IQSEC1: variants seen among roughly 807,000 people sequenced by gnomAD.
IQSEC1 encodes the protein IQ motif and Sec7 domain ArfGEF 1.
IQSEC1 carries 31 observed loss-of-function variants against 91.0 expected under a neutral mutation model. That is an observed-to-expected ratio of 0.34 (90% confidence interval 0.26 to 0.46). The LOEUF is 0.46. Among genes scored for constraint, IQSEC1 ranks in the 20% least tolerant of loss-of-function variants. IQSEC1 has a pLI of 1.00. For synonymous variants in IQSEC1, 699 were observed against 662.6 expected (o/e 1.05, Z -0.84); for missense variants, 1,388 against 1,575.6 (o/e 0.88, Z 2.02).
intron 1 of IQSEC1, among the ~76,000 whole-genome samples, chr3:12,944,139 G>A (rs554393291): frequency 3.3e-5 from 5 of 152,138 alleles, no homozygotes; most frequent in Non-Finnish European, 5.9e-5. Context: ...CTCAATGCCT[G>A]CAAGCCCTCT....
chr3:13,267,232 C>G (rs1271289582), intron 1 of IQSEC1, among the ~76,000 whole-genome samples: 1 of 152,140 alleles, frequency 6.6e-6, no homozygotes, highest in Admixed American at 6.5e-5. Context: ...AAAGTAGGGC[C>G]CTTGAAAGAC....
rs1053341980 is a variant in IQSEC1 at position 12,940,060 on chromosome 3, G to T, written c.318+1511C>A. On this transcript the variant is annotated intron_variant, in intron 2 of 13. Transcript: ENST00000613206. The surrounding 1 kb of genome is among the most constrained non-coding windows in gnomAD (Gnocchi z 4.4). Reference sequence around the variant, plus strand: ...AGTAAGCATATAATTCTCTTCAAAGGCCTCTATTAAGTCCCAACCTTTCTC... The same window carrying T: ...AGTAAGCATATAATTCTCTTCAAAGTCCTCTATTAAGTCCCAACCTTTCTC... Among the ~76,000 whole-genome samples the T allele has an allele frequency of 6.6e-6, 1 of 152,184 alleles. No homozygotes were observed. Among genetic ancestry groups the T allele is most frequent in the African/African-American group, 2.4e-5 (1 of 41,452 alleles).
At chr3:13,213,102 C>T (rs1694476775) in intron 1 of IQSEC1, among the ~76,000 whole-genome samples, 1 of 152,188 alleles carries the variant, frequency 6.6e-6, no homozygotes, top group South Asian at 2.1e-4. Flanking sequence ...CTTTTCATGT[C>T]ATGTCTAAGA....
chr3:12,897,873 G>A lies in IQSEC1; in HGVS notation c.*3110C>T, dbSNP rs1329333228. Reference sequence around the variant, plus strand: ...TGCTGAAGACATTTTTAAGCAAGATGTGCACAGCATATTAGGATGAACTTT... The same window carrying A: ...TGCTGAAGACATTTTTAAGCAAGATATGCACAGCATATTAGGATGAACTTT... On this transcript the variant is annotated 3_prime_UTR_variant, in exon 14 of 14. Transcript: ENST00000613206. 1 of 152,226 alleles carries A rather than the reference G, an allele frequency of 6.6e-6. No homozygotes were observed. The highest frequency in any genetic ancestry group is 1.5e-5 in the Non-Finnish European group (1 of 68,046). 9.4% of individuals were successfully genotyped at this position (152,226 alleles called of 1,614,324 possible). A position where few individuals can be genotyped will look rare whatever the true frequency, so the allele number is the denominator to read the frequency against.
chr3:13,128,351 A>AT (rs961270198), intron 2 of IQSEC1, among the ~76,000 whole-genome samples: 7 of 151,818 alleles, frequency 4.6e-5, no homozygotes, highest in South Asian at 2.1e-4. Context: ...CTTTATTCCA[A>AT]TTTTTTTTCC....
chr3:13,168,417 G>A (rs1286140151), intron 1 of IQSEC1, among the ~76,000 whole-genome samples: 1 of 152,038 alleles, frequency 6.6e-6, no homozygotes, highest in African/African-American at 2.4e-5. Flanking sequence ...ATCAGTCTAT[G>A]CCCGTCTTCC....
chr3:13,192,582 G>A (rs552989311), intron 1 of IQSEC1, among the ~76,000 whole-genome samples: 5 of 152,286 alleles, frequency 3.3e-5, no homozygotes, highest in South Asian at 2.1e-4. Context: ...ACCACCTGCC[G>A]TCCCCAGAGG....
At position 12,902,772 on chromosome 3, in the gene IQSEC1, C is replaced by T; in HGVS notation, c.2805+1G>A. ...GCTGGACAGAGGCGCTTCCTACTTA[C>T]TTCCACATTGCTCTCTAGCGATCCC... On this transcript the variant is annotated splice_donor_variant, in intron 13 of 13. Coordinates refer to ENST00000613206, the MANE Select transcript of IQSEC1 (RefSeq NM_001134382.3). LOFTEE classifies it high-confidence loss of function. 6.7e-7 allele frequency: 1 copy of T among 1,497,608 alleles called. No individual in the cohort carries two copies. Among genetic ancestry groups the T allele is most frequent in the Non-Finnish European group, 9.0e-7 (1 of 1,106,588 alleles). The allele number at this position is 1,497,608 out of a possible 1,614,324, so 92.8% of individuals were successfully genotyped here. A position where few individuals can be genotyped will look rare whatever the true frequency, so the allele number is the denominator to read the frequency against.
chr3:13,096,468 G>C (rs1705964106), intron 2 of IQSEC1, among the ~76,000 whole-genome samples: 1 of 152,230 alleles, frequency 6.6e-6, no homozygotes, highest in African/African-American at 2.4e-5. Context: ...GGGATTCGCA[G>C]TCTAGCAAGA....
chr3:12,998,407 C>A (rs1220844653), intron 1 of IQSEC1, among the ~76,000 whole-genome samples: 8 of 152,068 alleles, frequency 5.3e-5, no homozygotes, highest in Non-Finnish European at 1.2e-4. Flanking sequence ...GGCATCTCTA[C>A]ATGGACTGAT....
intron 1 of IQSEC1, among the ~76,000 whole-genome samples, chr3:13,034,832 A>G (rs1202315228): frequency 6.6e-6 from 1 of 152,214 alleles, no homozygotes; most frequent in African/African-American, 2.4e-5. Flanking sequence ...TGTCTGAGCT[A>G]ATGCTCGCCA....
chr3:12,995,200 C>CAG (rs1330524707), intron 1 of IQSEC1: 1 of 152,266 alleles, frequency 6.6e-6, no homozygotes, highest in Non-Finnish European at 1.5e-5. Flanking sequence ...AGGGCCCAGC[C>CAG]AGAGAAGCTG....
chr3:13,174,725 C>G (rs1693691219), intron 1 of IQSEC1, among the ~76,000 whole-genome samples: 1 of 152,180 alleles, frequency 6.6e-6, no homozygotes, highest in South Asian at 2.1e-4. Flanking sequence ...CCTGCACACA[C>G]AGCCAGATTT....
chr3:12,908,499 C>A lies in IQSEC1; in HGVS notation c.2605G>T (p.Val869Leu), dbSNP rs562700735. 9 of 1,613,594 alleles carry A rather than the reference C, an allele frequency of 5.6e-6. No individual in the cohort carries two copies. In the East Asian group the frequency reaches 1.3e-4, roughly 24 times the overall value. Residue 869 changes from valine to leucine, a missense_variant, in exon 12 of 14, where the codon GTG becomes TTG. By Grantham distance (32) the Val-to-Leu change is conservative. Coordinates refer to ENST00000613206, the MANE Select transcript of IQSEC1 (RefSeq NM_001134382.3). This position sits in a 1 kb window ranked among gnomAD's most constrained non-coding sequence, Gnocchi z 4.9. ...GAGCACTGGGACATGCTGGGCCGCA[C>A]GACGCCTTTCTGCTTCTCGAGCTCC... Reference protein sequence around the residue: ...ESELEKQKGVVRPSMSQCSSL... With the variant: ...ESELEKQKGVLRPSMSQCSSL...
At position 13,044,735 on chromosome 3, in the gene IQSEC1, T is replaced by G. The variant is rs1704428260; in HGVS notation, c.23+28257A>C. ...AGGACATTAGCTTCCCTCTCACGCC[T>G]GTGGCAGAGGAAGCCGGCTGTGCCT... On this transcript the variant is annotated intron_variant, in intron 1 of 13. Coordinates refer to ENST00000613206, the MANE Select transcript of IQSEC1 (RefSeq NM_001134382.3). 3.3e-5 allele frequency among the ~76,000 whole-genome samples: 5 copies of G among 151,216 alleles called. No individual in the cohort carries two copies. In the South Asian group the frequency reaches 1.0e-3, roughly 32 times the overall value.
intron 1 of IQSEC1, among the ~76,000 whole-genome samples, chr3:12,999,791 G>A (rs1247346452): frequency 2.0e-5 from 3 of 152,218 alleles, no homozygotes. Context: ...CTCTTCAGGG[G>A]ACATTCAAGC....
At chr3:13,240,684 C>T (rs1223616407) in intron 1 of IQSEC1, among the ~76,000 whole-genome samples, 1 of 152,212 alleles carries the variant, frequency 6.6e-6, no homozygotes, top group Non-Finnish European at 1.5e-5. Context: ...TCTGTAAGCT[C>T]TAACTCCCTG....
intron 12 of IQSEC1, among the ~76,000 whole-genome samples, chr3:12,905,937 T>C (rs901823595): frequency 1.3e-5 from 2 of 152,200 alleles, no homozygotes; most frequent in African/African-American, 4.8e-5. Flanking sequence ...GCCGCTGGAA[T>C]GAGCACCGGG....
intron 1 of IQSEC1, among the ~76,000 whole-genome samples, chr3:13,041,838 C>T (rs573447512): frequency 6.6e-6 from 1 of 152,322 alleles, no homozygotes; most frequent in South Asian, 2.1e-4. Flanking sequence ...ACTTCGGGCT[C>T]CTGATCTCCT....
Sources: allele counts gnomAD v4.1 joint callset (sites outside exome capture counted in the v4.1 genomes callset), GRCh38; gene constraint gnomAD v4.1.1; non-coding constraint Gnocchi (gnomAD v3.1); transcripts MANE v1.5; gene names NCBI Gene and HGNC (gene_info 2026-07-23, HGNC 2026-07-21).